The following HABP2 variants were observed in gnomAD, a reference collection of about 807,000 sequenced individuals.
HABP2 encodes the protein hyaluronan binding protein 2.
A neutral mutation model predicts 66.5 loss-of-function variants in HABP2; 65 were observed. The ratio of observed to expected loss-of-function variants is 0.98; its 90% CI spans 0.80 to 1.20. HABP2 has a LOEUF of 1.20. Ranked by LOEUF, HABP2 falls within the 50% of genes most tolerant of loss-of-function variation. The pLI is 0.00. For synonymous variants in HABP2, 263 were observed against 253.9 expected, an observed-to-expected ratio of 1.04 and a Z score of -0.34; for missense variants, 786 against 691.0, an observed-to-expected ratio of 1.14 and a Z score of -1.54.
chr10:113,585,219 A>G (rs1413099471), intron 11 of HABP2, among the ~76,000 whole-genome samples: 1 of 152,216 alleles, frequency 6.6e-6, no homozygotes, highest in Non-Finnish European at 1.5e-5. Context: ...ATTCTGCTCA[A>G]TATGGTCTGG....
rs560476492 is a variant in HABP2 at position 113,588,122 on chromosome 10, C to T, written c.1519-83C>T. ...GGCAAGGGACTCCACCCCATCCCTC[C>T]CTGACACCCCCTGGAGAGAGGTGGG... is the stretch of plus-strand genomic sequence containing the variant. On this transcript the variant is annotated intron_variant, in intron 12 of 12. Coordinates refer to ENST00000351270, the MANE Select transcript of HABP2 (RefSeq NM_004132.5). 1.1e-3 allele frequency: 1,328 copies of T among 1,205,498 alleles called. 6 individuals are homozygous for T. The highest frequency in any genetic ancestry group is 6.3e-4 in the Non-Finnish European group (544 of 868,044). 74.7% of individuals were successfully genotyped at this position (1,205,498 alleles called of 1,614,324 possible). A position where few individuals can be genotyped will look rare whatever the true frequency, so the allele number is the denominator to read the frequency against.
chr10:113,580,160 TCGGGGGC>T (rs1473017023), intron 7 of HABP2, among the ~76,000 whole-genome samples: 1 of 118,454 alleles, frequency 8.4e-6, no homozygotes, highest in Non-Finnish European at 1.8e-5. Context: ...GGAGCTGTCT[TCGGGGGC>T]GGGGGGAGGG....
intron 1 of HABP2, among the ~76,000 whole-genome samples, chr10:113,561,562 T>C (rs959567161): frequency 1.3e-5 from 2 of 152,054 alleles, no homozygotes; most frequent in Admixed American, 6.6e-5. Flanking sequence ...CCACCAGGCA[T>C]AGGGTAGAAC....
chr10:113,563,117 C>T (rs1295670578), intron 1 of HABP2, among the ~76,000 whole-genome samples: 1 of 152,212 alleles, frequency 6.6e-6, no homozygotes, highest in Admixed American at 6.5e-5. Flanking sequence ...GTTGATGGCA[C>T]ATTGTCAGCT....
Position 113,581,989 on chromosome 10 carries a change from T to C in HABP2, c.952T>C (p.Phe318Leu), listed in dbSNP as rs1845543529. 2 of 1,614,216 alleles carry C rather than the reference T, an allele frequency of 1.2e-6. No homozygotes were observed. Among genetic ancestry groups the C allele is most frequent in the African/African-American group, 1.3e-5 (1 of 75,062 alleles). ...ERKIKRIYGG[F>L]KSTAGKHPWQ... is the part of the protein sequence containing the mutation. The stretch of plus-strand genomic sequence containing the variant: ...GAAGATCAAGAGAATCTATGGAGGC[T>C]TTAAGAGCACGGCGGGCAAGCACCC... Residue 318 changes from phenylalanine (F) to leucine (L), a missense_variant, in exon 9 of 13, where the codon TTT becomes CTT. Phe to Leu is a conservative substitution (Grantham distance 22). Coordinates refer to ENST00000351270, the MANE Select transcript of HABP2 (RefSeq NM_004132.5).
At chr10:113,580,356 C>G (rs983392621) in intron 7 of HABP2, among the ~76,000 whole-genome samples, 1 of 152,192 alleles carries the variant, frequency 6.6e-6, no homozygotes, top group Non-Finnish European at 1.5e-5. Context: ...GTGGATCTGG[C>G]ATGAGACTTG....
At chr10:113,564,301 C>T (rs1845156762) in intron 1 of HABP2, among the ~76,000 whole-genome samples, 1 of 152,112 alleles carries the variant, frequency 6.6e-6, no homozygotes. Context: ...ATTATGGGAG[C>T]TACAATTCAA....
rs74159434 is a variant in HABP2 at position 113,553,685 on chromosome 10, T to C, written c.69+495T>C. ...CTGGCAGTGGGTCTGCATAAATAGT[T>C]TGGATTTGGGGAGAAGCTTTGTGTT... On this transcript the variant is annotated intron_variant, in intron 1 of 12. Transcript: ENST00000351270. 6.8e-3 allele frequency among the ~76,000 whole-genome samples: 1,030 copies of C among 152,274 alleles called. 6 individuals carry two copies. The highest frequency in any genetic ancestry group is 0.023 in the African/African-American group (971 of 41,554).
In HABP2 at chr10:113,588,826, C is replaced by T; in HGVS notation, c.*457C>T. ...AGAGGACCACAAATACAACATTCTC[C>T]ATCTGCTTTCAGAGTTATTATTTTA... On this transcript the variant is annotated 3_prime_UTR_variant, in exon 13 of 13. Coordinates refer to ENST00000351270, the MANE Select transcript of HABP2 (RefSeq NM_004132.5). The T allele has an allele frequency of 1.5e-6, 1 of 665,840 alleles. No homozygotes were observed. The highest frequency in any genetic ancestry group is 2.5e-5 in the Admixed American group (1 of 39,238). 41.2% of individuals were successfully genotyped at this position (665,840 alleles called of 1,614,324 possible). A position where few individuals can be genotyped will look rare whatever the true frequency, so the allele number is the denominator to read the frequency against.
At chr10:113,585,307 T>G (rs1318165406) in intron 11 of HABP2, among the ~76,000 whole-genome samples, 1 of 152,240 alleles carries the variant, frequency 6.6e-6, no homozygotes, top group Non-Finnish European at 1.5e-5. Flanking sequence ...AACAGGCTTC[T>G]AAGACTTTAT....
At chr10:113,576,460 G>A (rs140154319) in intron 4 of HABP2, among the ~76,000 whole-genome samples, 31 of 152,296 alleles carry the variant, frequency 2.0e-4, no homozygotes, top group African/African-American at 6.5e-4. Context: ...TAGAGCCCTC[G>A]TGCCTGACTT....
chr10:113,589,194 C>T lies in HABP2; in HGVS notation c.*825C>T. The T allele has an allele frequency of 7.6e-6, 6 of 784,882 alleles. No homozygotes were observed. The highest frequency in any genetic ancestry group is 1.2e-5 in the Non-Finnish European group (6 of 492,438). 48.6% of individuals were successfully genotyped at this position (784,882 alleles called of 1,614,324 possible). ...AGGGAGCATTTAACAGGCTCACCCT[C>T]CCTTTCCTTTTCCCCTCTTCTACCC... On this transcript the variant is annotated 3_prime_UTR_variant, in exon 13 of 13. Coordinates refer to ENST00000351270, the MANE Select transcript of HABP2 (RefSeq NM_004132.5).
chr10:113,565,567 G>A (rs960677589), intron 1 of HABP2, among the ~76,000 whole-genome samples: 2 of 152,188 alleles, frequency 1.3e-5, no homozygotes, highest in Admixed American at 1.3e-4. Flanking sequence ...TACCCTGAGG[G>A]TGAGTACTAA....
upstream of HABP2, among the ~76,000 whole-genome samples, chr10:113,551,223 C>G (rs1346451587): frequency 1.3e-5 from 2 of 152,322 alleles, no homozygotes; most frequent in East Asian, 1.9e-4. Flanking sequence ...GTGATTGAAA[C>G]AGAGTGCCTG....
In HABP2 at chr10:113,583,276, T is replaced by G; in HGVS notation, c.1155T>G (p.Phe385Leu). 1.2e-6 allele frequency: 2 copies of G among 1,612,538 alleles called. No individual in the cohort carries two copies. The highest frequency in any genetic ancestry group is 2.2e-5 in the East Asian group (1 of 44,872). Residue 385 changes from phenylalanine (F) to leucine (L), a missense_variant, in exon 10 of 13, where the codon TTT (phenylalanine) becomes TTG (leucine). Transcript: ENST00000351270. Reference protein sequence around the residue: ...LGDQDLKKEEFHEQSFRVEKI... With the variant: ...LGDQDLKKEELHEQSFRVEKI... The stretch of plus-strand genomic sequence containing the variant: ...ACCAGGACCTGAAGAAAGAAGAATT[T>G]CATGAGCAGAGCTTTAGGGTGGAGA...
rs548328388 is a variant in HABP2, at chr10:113,574,879, C to A, written c.223+474C>A. ...TGCCAGAACTTTTCCTTCCCTTCCA[C>A]TTTTTCTTTCTCCCTTCACTCTTTA... On this transcript the variant is annotated intron_variant, in intron 3 of 12. Transcript: ENST00000351270. Among the ~76,000 whole-genome samples, 77 of 152,288 alleles carry A rather than the reference C, an allele frequency of 5.1e-4. 2 individuals carry two copies. In the South Asian group the frequency reaches 0.016, roughly 31 times the overall value.
intron 2 of HABP2, chr10:113,572,516 C>T (rs7097031): frequency 4.6e-6 from 1 of 215,116 alleles, no homozygotes; most frequent in Admixed American, 5.9e-5. Context: ...CTTCAAAGAA[C>T]AAGAAATAAC....
intron 11 of HABP2, among the ~76,000 whole-genome samples, chr10:113,585,250 T>C (rs1044324702): frequency 6.6e-6 from 1 of 152,230 alleles, no homozygotes; most frequent in East Asian, 1.9e-4. Flanking sequence ...GATGTCTCAG[T>C]TGGGAATCTT....
chr10:113,586,254 A>G (rs1845631216), intron 12 of HABP2, among the ~76,000 whole-genome samples: 1 of 152,166 alleles, frequency 6.6e-6, no homozygotes, highest in Non-Finnish European at 1.5e-5. Context: ...GCCTATAGCA[A>G]TTGGGTGGCC....
Sources: gnomAD v4.1 joint callset for allele counts (sites outside exome capture counted in the v4.1 genomes callset) on GRCh38, gnomAD v4.1.1 for gene constraint, MANE v1.5 for transcripts, NCBI Gene and HGNC (gene_info 2026-07-23, HGNC 2026-07-21) for gene names.